UGT1A9: variants seen among roughly 807,000 people sequenced by gnomAD.
UGT1A9 encodes UDP glucuronosyltransferase family 1 member A9.
UGT1A9 carries 35 observed loss-of-function variants against 45.0 expected under a neutral mutation model. That is an observed-to-expected ratio of 0.78 (90% CI 0.59 to 1.03). The LOEUF (loss-of-function observed/expected upper bound fraction) is 1.03, where lower values mean the gene tolerates loss of function less well. Among genes scored for constraint, UGT1A9 ranks in the 50% least tolerant of loss-of-function variants. The pLI is 0.00. For missense variants in UGT1A9, 687 were observed against 666.6 expected (o/e 1.03, Z -0.34); for synonymous variants, 278 against 250.6 (o/e 1.11, Z -1.03).
intron 1 of UGT1A9, among the ~76,000 whole-genome samples, chr2:233,725,940 AG>A (rs1419674144): frequency 2.0e-5 from 3 of 152,132 alleles, no homozygotes; most frequent in Non-Finnish European, 4.4e-5. Flanking sequence ...CTGATGCAGG[AG>A]GATTGTTTGA....
rs1205477836 is a variant in UGT1A9 at position 233,760,858 on chromosome 2, TC to T, written c.856-6174del. 2.5e-6 allele frequency: 4 copies of T among 1,613,972 alleles called. No homozygotes were observed. In the African/African-American group the frequency reaches 4.0e-5, roughly 16 times the overall value. On this transcript the variant is annotated intron_variant, in intron 1 of 4. Transcript: ENST00000354728. ...GGCTACCCAGTGCCCCAACCCATTC[TC>T]CTACGTGCCCAGGCCTCTCTCCTCT... is the stretch of plus-strand genomic sequence containing the variant.
chr2:233,716,352 G>C (rs1407267545), intron 1 of UGT1A9, among the ~76,000 whole-genome samples: 1 of 152,166 alleles, frequency 6.6e-6, no homozygotes, highest in African/African-American at 2.4e-5. Context: ...CTACAATGTA[G>C]ATACTTTGTG....
At chr2:233,714,989 G>A (rs1270909733) in intron 1 of UGT1A9, among the ~76,000 whole-genome samples, 3 of 152,078 alleles carry the variant, frequency 2.0e-5, no homozygotes, top group South Asian at 2.1e-4. Flanking sequence ...TGATTCTCCT[G>A]CCTCAGCCTC....
intron 1 of UGT1A9, among the ~76,000 whole-genome samples, chr2:233,678,508 T>C (rs1340699158): frequency 6.6e-6 from 1 of 152,170 alleles, no homozygotes. Flanking sequence ...AAATACATCA[T>C]AATTACTGTC....
chr2:233,702,946 A>C (rs1293262171), intron 1 of UGT1A9, among the ~76,000 whole-genome samples: 1 of 152,140 alleles, frequency 6.6e-6, no homozygotes, highest in African/African-American at 2.4e-5. Context: ...TGTGTTTGCT[A>C]TCTGAATATT....
At chr2:233,707,180 T>G (rs2075945889) in intron 1 of UGT1A9, among the ~76,000 whole-genome samples, 2 of 152,156 alleles carry the variant, frequency 1.3e-5, no homozygotes, top group Non-Finnish European at 2.9e-5. Flanking sequence ...CCATCCTGGG[T>G]GCCTGCCCTC....
At chr2:233,743,680 G>T in intron 1 of UGT1A9, 1 of 1,367,218 alleles carries the variant, frequency 7.3e-7, no homozygotes, top group South Asian at 1.1e-5. Context: ...AGGGCCTGCC[G>T]CCTGTGCAGC....
At chr2:233,736,756 T>G (rs535805323) in intron 1 of UGT1A9, among the ~76,000 whole-genome samples, 1 of 152,338 alleles carries the variant, frequency 6.6e-6, no homozygotes, top group Non-Finnish European at 1.5e-5. Context: ...TTGTTAGTTT[T>G]CCTTCTAACA....
At chr2:233,713,359 T>C (rs773018216) in intron 1 of UGT1A9, 18 of 1,614,046 alleles carry the variant, frequency 1.1e-5, no homozygotes, top group Non-Finnish European at 1.4e-5. Flanking sequence ...ATGTCTTTGA[T>C]CATACATAGG....
chr2:233,765,409 TGG>T (rs1441721232), intron 1 of UGT1A9, among the ~76,000 whole-genome samples: 3 of 152,208 alleles, frequency 2.0e-5, no homozygotes, highest in African/African-American at 7.2e-5. Flanking sequence ...ATATACACCA[TGG>T]AATACTATGC....
At chr2:233,734,087 C>A (rs2078476920) in intron 1 of UGT1A9, among the ~76,000 whole-genome samples, 1 of 151,836 alleles carries the variant, frequency 6.6e-6, no homozygotes, top group East Asian at 1.9e-4. Context: ...GCACATGCAC[C>A]CTAAAACTTA....
At chr2:233,752,715 G>T (rs1184638783) in intron 1 of UGT1A9, among the ~76,000 whole-genome samples, 2 of 152,110 alleles carry the variant, frequency 1.3e-5, no homozygotes, top group African/African-American at 4.8e-5. Flanking sequence ...ATCTTGCCTA[G>T]GCAACAGCTA....
At chr2:233,695,130 C>CTTTCTTTTTTTTTTTTTTTTTTTT (rs1364557158) in intron 1 of UGT1A9, among the ~76,000 whole-genome samples, 2 of 138,840 alleles carry the variant, frequency 1.4e-5, no homozygotes, top group Middle Eastern at 3.4e-3. Flanking sequence ...CTTTTCTTTT[C>CTTTCTTTTTTTTTTTTTTTTTTTT]TTTTTTTTTT....
At chr2:233,755,174 G>C (rs868590389) in intron 1 of UGT1A9, 4 of 1,248,738 alleles carry the variant, frequency 3.2e-6, no homozygotes, top group African/African-American at 3.0e-5. Flanking sequence ...GGTTTTTGTC[G>C]GGGTGCCACT....
In UGT1A9 at chr2:233,672,127, CA is replaced by C; in HGVS notation, c.195del (p.Gln65HisfsTer6). ...TGTAGTCATGCCAGAGGTGAGTTGG[CA>C]ACTGGGAAGATCACTGAATTGCACA... is the stretch of plus-strand genomic sequence containing the variant. ...VVVVMPEVSW[Q>X]LGRSLNCTVK... On this transcript the variant is annotated frameshift_variant, in exon 1 of 5. Transcript: ENST00000354728. LOFTEE classifies it high-confidence loss of function. 1 of 1,614,104 alleles carries C rather than the reference CA, an allele frequency of 6.2e-7. No individual in the cohort carries two copies. The highest frequency in any genetic ancestry group is 8.5e-7 in the Non-Finnish European group (1 of 1,179,990).
intron 1 of UGT1A9, chr2:233,729,228 G>A (rs752170717): frequency 1.9e-6 from 3 of 1,614,046 alleles, no homozygotes; most frequent in South Asian, 1.1e-5. Context: ...TGTTGGTGGT[G>A]CCCATTGATG....
At chr2:233,743,465 CA>C (rs1314661599) in intron 1 of UGT1A9, 5 of 1,366,480 alleles carry the variant, frequency 3.7e-6, no homozygotes, top group Middle Eastern at 4.2e-4. Flanking sequence ...AAAACACCCC[CA>C]AAAGCTGGAA....
In UGT1A9 at chr2:233,671,957, G is replaced by GC. The variant is rs747116611; in HGVS notation, c.28dup (p.Leu10ProfsTer45). 6.2e-7 allele frequency: 1 copy of GC among 1,613,220 alleles called. No homozygotes were observed. Among genetic ancestry groups the GC allele is most frequent in the African/African-American group, 1.3e-5 (1 of 74,940 alleles). ...CTGATGGCTTGCACAGGGTGGACCA[G>GC]CCCCCTTCCTCTATGTGTGTGTCTG... On this transcript the variant is annotated frameshift_variant, in exon 1 of 5. Coordinates refer to ENST00000354728, the MANE Select transcript of UGT1A9 (RefSeq NM_021027.3). LOFTEE classifies it high-confidence loss of function.
intron 1 of UGT1A9, among the ~76,000 whole-genome samples, chr2:233,706,029 A>G (rs2075885121): frequency 6.6e-6 from 1 of 152,194 alleles, no homozygotes; most frequent in Non-Finnish European, 1.5e-5. Context: ...TGGGAGGCAG[A>G]GGTTGCAGTG....
Sources: allele counts gnomAD v4.1 joint callset (sites outside exome capture counted in the v4.1 genomes callset), GRCh38; gene constraint gnomAD v4.1.1; transcripts MANE v1.5; gene names NCBI Gene and HGNC (gene_info 2026-07-23, HGNC 2026-07-21).